KCTD8: variants seen among roughly 807,000 people sequenced by gnomAD.
The protein encoded by KCTD8 is BTB/POZ domain-containing protein KCTD8.
In KCTD8, 27 loss-of-function variants were observed where a neutral mutation model predicts 31.5. That is an observed-to-expected ratio of 0.86 (90% CI 0.63 to 1.18). KCTD8 has a LOEUF of 1.18. Ranked by LOEUF, KCTD8 falls within the 50% of genes most tolerant of loss-of-function variation. KCTD8 has a pLI of 0.00. For synonymous variants in KCTD8, 290 were observed against 280.0 expected, an observed-to-expected ratio of 1.04 and a Z score of -0.36; for missense variants, 658 against 647.7, an observed-to-expected ratio of 1.02 and a Z score of -0.17.
intron 1 of KCTD8, among the ~76,000 whole-genome samples, chr4:44,188,002 C>T (rs1315191543): frequency 2.0e-5 from 3 of 148,662 alleles, no homozygotes; most frequent in Non-Finnish European, 3.0e-5. Flanking sequence ...TATATATATA[C>T]ATGCACACAC....
chr4:44,278,875 C>T (rs979131653), intron 1 of KCTD8, among the ~76,000 whole-genome samples: 13 of 151,930 alleles, frequency 8.6e-5, no homozygotes, highest in African/African-American at 2.7e-4. Context: ...GCATGCTTTC[C>T]CCAATATTTT....
At chr4:44,317,401 G>A (rs1166403932) in intron 1 of KCTD8, among the ~76,000 whole-genome samples, 1 of 143,166 alleles carries the variant, frequency 7.0e-6, no homozygotes, top group Non-Finnish European at 1.5e-5. Flanking sequence ...CACCGCACCC[G>A]GCTAATTTTT....
chr4:44,430,381 A>G (rs1411695021), intron 1 of KCTD8, among the ~76,000 whole-genome samples: 10 of 151,812 alleles, frequency 6.6e-5, no homozygotes. Flanking sequence ...GGCAGTGAAC[A>G]AAAGACAGAT....
intron 1 of KCTD8, among the ~76,000 whole-genome samples, chr4:44,447,074 C>A (rs1721960465): frequency 6.6e-6 from 1 of 152,194 alleles, no homozygotes; most frequent in African/African-American, 2.4e-5. Flanking sequence ...GCAGCTGCAC[C>A]AACAGCAGGT....
chr4:44,302,983 GT>G (rs1308869018), intron 1 of KCTD8, among the ~76,000 whole-genome samples: 1 of 152,078 alleles, frequency 6.6e-6, no homozygotes, highest in Non-Finnish European at 1.5e-5. Flanking sequence ...TAATCATGTG[GT>G]TTTTGTCTTT....
intron 1 of KCTD8, among the ~76,000 whole-genome samples, chr4:44,224,852 C>T (rs565901968): frequency 5.9e-5 from 9 of 152,266 alleles, no homozygotes; most frequent in Non-Finnish European, 1.0e-4. Context: ...CAAGGTCAAC[C>T]AGGTCCATGT....
At position 44,174,367 on chromosome 4, in the gene KCTD8, G is replaced by A. The variant is rs1039830312; in HGVS notation, c.*423C>T. The A allele has an allele frequency of 6.4e-6, 1 of 155,388 alleles. No homozygotes were observed. The highest frequency in any genetic ancestry group is 2.4e-5 in the African/African-American group (1 of 41,472). The allele number at this position is 155,388 out of a possible 1,614,324, so 9.6% of individuals were successfully genotyped here. A position where few individuals can be genotyped will look rare whatever the true frequency, so the allele number is the denominator to read the frequency against. ...AACATTTAGACAGCTTTAGATTTGG[G>A]TCCTATAGCCATCGTCTAAAATTTT... On this transcript the variant is annotated 3_prime_UTR_variant, in exon 2 of 2. Coordinates refer to ENST00000360029, the MANE Select transcript of KCTD8 (RefSeq NM_198353.3).
Position 44,301,416 on chromosome 4 carries a change from G to T in KCTD8, c.962-126166C>A, listed in dbSNP as rs192646287. On this transcript the variant is annotated intron_variant, in intron 1 of 1. Coordinates refer to ENST00000360029, the MANE Select transcript of KCTD8 (RefSeq NM_198353.3). ...TTTTTAATGATTGCCATTCTAACTG[G>T]CGTGAGATGTTATCTCATTGTGGTT... is the stretch of plus-strand genomic sequence containing the variant. 7.5e-3 allele frequency among the ~76,000 whole-genome samples: 1,139 copies of T among 152,242 alleles called. 13 individuals carry two copies. The highest frequency in any genetic ancestry group is 0.026 in the African/African-American group (1,062 of 41,552).
chr4:44,350,676 A>G (rs992395419), intron 1 of KCTD8, among the ~76,000 whole-genome samples: 6 of 152,216 alleles, frequency 3.9e-5, no homozygotes. Flanking sequence ...TAAAATGAAT[A>G]AAAAGTTTTC....
At chr4:44,400,768 C>T (rs557535837) in intron 1 of KCTD8, among the ~76,000 whole-genome samples, 3 of 150,446 alleles carry the variant, frequency 2.0e-5, no homozygotes, top group African/African-American at 7.3e-5. Context: ...TTCAATTCTG[C>T]AAACTCAATC....
intron 1 of KCTD8, among the ~76,000 whole-genome samples, chr4:44,411,908 T>G (rs1408960778): frequency 1.3e-5 from 2 of 152,084 alleles, no homozygotes; most frequent in Non-Finnish European, 2.9e-5. Flanking sequence ...CTACTAGATT[T>G]TGGACTTCTA....
chr4:44,404,012 G>A (rs1227466328), intron 1 of KCTD8, among the ~76,000 whole-genome samples: 1 of 151,878 alleles, frequency 6.6e-6, no homozygotes, highest in African/African-American at 2.4e-5. Flanking sequence ...ATTCTTTAAA[G>A]AGAGCCCTCT....
At chr4:44,411,900 A>C (rs1720968981) in intron 1 of KCTD8, among the ~76,000 whole-genome samples, 1 of 152,064 alleles carries the variant, frequency 6.6e-6, no homozygotes, top group Non-Finnish European at 1.5e-5. Context: ...CTGCTTGACT[A>C]CTAGATTTTG....
chr4:44,382,924 C>T (rs1211412987), intron 1 of KCTD8, among the ~76,000 whole-genome samples: 1 of 151,086 alleles, frequency 6.6e-6, no homozygotes, highest in African/African-American at 2.4e-5. Context: ...AAGACTCTAC[C>T]AAAAAGCTCT....
Position 44,270,550 on chromosome 4 carries a change from TA to T in KCTD8, c.962-95301del, listed in dbSNP as rs915845170. Among the ~76,000 whole-genome samples, 109 of 151,248 alleles carry T rather than the reference TA, an allele frequency of 7.2e-4. 1 individual carries two copies. Among genetic ancestry groups the T allele is most frequent in the Middle Eastern group, 3.4e-3 (1 of 292 alleles). On this transcript the variant is annotated intron_variant, in intron 1 of 1. Coordinates refer to ENST00000360029, the MANE Select transcript of KCTD8 (RefSeq NM_198353.3). ...AAAACTTAAAGTATAATAATAATAA[TA>T]AAAAAAAGAAGGTGACCTTAGGCCT... is the stretch of plus-strand genomic sequence containing the variant.
chr4:44,412,942 A>G (rs924975303), intron 1 of KCTD8, among the ~76,000 whole-genome samples: 3 of 152,088 alleles, frequency 2.0e-5, no homozygotes, highest in Non-Finnish European at 4.4e-5. Flanking sequence ...GCCCTTCCTC[A>G]CCTTAACATG....
intron 1 of KCTD8, among the ~76,000 whole-genome samples, chr4:44,282,556 G>A (rs531042479): frequency 6.6e-6 from 1 of 152,160 alleles, no homozygotes; most frequent in Admixed American, 6.6e-5. Flanking sequence ...AAATGATTAA[G>A]CTTAATAAGA....
intron 1 of KCTD8, among the ~76,000 whole-genome samples, chr4:44,275,845 T>C (rs1438996879): frequency 2.0e-5 from 3 of 151,888 alleles, no homozygotes; most frequent in Non-Finnish European, 2.9e-5. Flanking sequence ...AAGAGAGTGA[T>C]GGGAAGAAAA....
intron 1 of KCTD8, among the ~76,000 whole-genome samples, chr4:44,343,898 C>A (rs1005238591): frequency 6.6e-6 from 1 of 151,988 alleles, no homozygotes; most frequent in Non-Finnish European, 1.5e-5. Context: ...CTCGCTCTGT[C>A]GCTAGGCTGG....
Sources: gnomAD v4.1 joint callset for allele counts (sites outside exome capture counted in the v4.1 genomes callset) on GRCh38, gnomAD v4.1.1 for gene constraint, MANE v1.5 for transcripts, NCBI Gene and HGNC (gene_info 2026-07-23, HGNC 2026-07-21) for gene names.